The following ADAD1 variants were observed in gnomAD, a reference collection of about 807,000 sequenced individuals.
ADAD1 encodes adenosine deaminase domain-containing protein 1.
ADAD1 carries 46 observed loss-of-function variants against 66.8 expected under a neutral mutation model. The observed-to-expected ratio is 0.69, with a 90% CI of 0.54 to 0.88. The LOEUF is 0.88. Ranked by LOEUF, ADAD1 falls within the 40% of genes least tolerant of loss-of-function variation. The pLI is 0.00. For synonymous variants in ADAD1, 248 were observed against 229.4 expected, an observed-to-expected ratio of 1.08 and a Z score of -0.73; for missense variants, 617 against 681.8, an observed-to-expected ratio of 0.91 and a Z score of 1.06.
In ADAD1 at chr4:122,413,598, ATATACTGAT is replaced by A. The variant is rs1246486425; in HGVS notation, c.1249+791_1249+799del. 5.3e-5 allele frequency among the ~76,000 whole-genome samples: 8 copies of A among 152,116 alleles called. No homozygotes were observed. In the East Asian group the frequency reaches 1.5e-3, roughly 29 times the overall value. ...TTATTTCCATCCAGAGGTCCTTTTC[ATATACTGAT>A]TTGATTTGTATAATTGAAGTGTAGA... is the stretch of plus-strand genomic sequence containing the variant. On this transcript the variant is annotated intron_variant, in intron 10 of 12. Coordinates refer to ENST00000296513, the MANE Select transcript of ADAD1 (RefSeq NM_139243.4).
intron 11 of ADAD1, among the ~76,000 whole-genome samples, chr4:122,419,789 TTATCTC>T (rs1664332784): frequency 6.6e-6 from 1 of 152,232 alleles, no homozygotes. Context: ...TATCATATGT[TTATCTC>T]TATAAATTCT....
chr4:122,406,504 C>G (rs1416095274), intron 7 of ADAD1, among the ~76,000 whole-genome samples: 1 of 152,076 alleles, frequency 6.6e-6, no homozygotes, highest in Non-Finnish European at 1.5e-5. Context: ...TTCTTCTGTT[C>G]CGTAAGTTGT....
intron 5 of ADAD1, among the ~76,000 whole-genome samples, chr4:122,392,386 C>T (rs1471885691): frequency 6.6e-6 from 1 of 152,162 alleles, no homozygotes; most frequent in Admixed American, 6.5e-5. Flanking sequence ...AAAATAAAGT[C>T]ATGTCCTTTG....
intron 8 of ADAD1, among the ~76,000 whole-genome samples, chr4:122,411,012 T>A (rs908556464): frequency 3.3e-5 from 5 of 152,096 alleles, no homozygotes; most frequent in African/African-American, 1.2e-4. Context: ...GTGTTTTAAG[T>A]CAGGTTACAG....
At chr4:122,418,165 A>G (rs1796829489) in intron 11 of ADAD1, among the ~76,000 whole-genome samples, 1 of 152,168 alleles carries the variant, frequency 6.6e-6, no homozygotes, top group Non-Finnish European at 1.5e-5. Flanking sequence ...AATCAGAAAT[A>G]GAGAAAATTA....
chr4:122,421,419 T>G, intron 12 of ADAD1, 29 bp downstream of exon 12: 11 of 1,479,910 alleles, frequency 7.4e-6, no homozygotes, highest in Non-Finnish European at 9.1e-6. Flanking sequence ...AAAGTTATCA[T>G]AGGAATAAAA....
chr4:122,380,348 T>A, intron 3 of ADAD1, 107 bp downstream of exon 3: 2 of 1,343,730 alleles, frequency 1.5e-6, no homozygotes, highest in Non-Finnish European at 2.0e-6. Context: ...TGTATAGACA[T>A]TTACCCGTGG....
At chr4:122,418,505 G>A (rs1382636632) in intron 11 of ADAD1, among the ~76,000 whole-genome samples, 1 of 151,872 alleles carries the variant, frequency 6.6e-6, no homozygotes, top group Non-Finnish European at 1.5e-5. Context: ...TGTATTTTTA[G>A]TAGAAAGGAG....
rs781186394 is a variant in ADAD1 at position 122,412,733 on chromosome 4, A to G, written c.1173A>G (p.Arg391=). The change falls in exon 10 of 13, where the codon AGA becomes AGG. Residue 391 remains arginine (R), a synonymous_variant. Coordinates refer to ENST00000296513, the MANE Select transcript of ADAD1 (RefSeq NM_139243.4). ...SSMSSSDKLT[R]WEVLGVQGAL... is the part of the protein sequence containing the mutation. ...TGTCCTCAAGTGACAAATTGACCAG[A>G]TGGGAAGTGCTTGGTGTACAGGGAG... 1 of 1,613,954 alleles carries G rather than the reference A, an allele frequency of 6.2e-7. No individual in the cohort carries two copies. The highest frequency in any genetic ancestry group is 8.5e-7 in the Non-Finnish European group (1 of 1,179,842).
chr4:122,386,422 C>T (rs572163819), intron 5 of ADAD1, among the ~76,000 whole-genome samples: 1 of 152,140 alleles, frequency 6.6e-6, no homozygotes, highest in East Asian at 1.9e-4. Context: ...GTTTAAGTTC[C>T]TTGTAAATTC....
At chr4:122,401,126 A>G (rs529376033) in intron 7 of ADAD1, among the ~76,000 whole-genome samples, 104 of 152,108 alleles carry the variant, frequency 6.8e-4, no homozygotes, top group Middle Eastern at 3.4e-3. Context: ...GACTTTTGAT[A>G]TAGGCATTTA....
intron 7 of ADAD1, 33 bp downstream of exon 7, chr4:122,396,410 G>T: frequency 6.6e-7 from 1 of 1,513,612 alleles, no homozygotes. Context: ...AACTAATATT[G>T]TAATAATCTA....
At chr4:122,420,082 A>T (rs1796933953) in intron 11 of ADAD1, among the ~76,000 whole-genome samples, 1 of 152,232 alleles carries the variant, frequency 6.6e-6, no homozygotes. Context: ...AGCTACAATT[A>T]TCACTCTTTG....
At chr4:122,418,644 G>C (rs772659758) in intron 11 of ADAD1, among the ~76,000 whole-genome samples, 9 of 152,090 alleles carry the variant, frequency 5.9e-5, no homozygotes, top group Non-Finnish European at 1.3e-4. Flanking sequence ...AAGTTACCAA[G>C]AAGGCACCTT....
intron 5 of ADAD1, among the ~76,000 whole-genome samples, chr4:122,385,671 A>T (rs988472284): frequency 2.0e-5 from 3 of 151,444 alleles, no homozygotes; most frequent in African/African-American, 7.3e-5. Context: ...TTACCTATTA[A>T]CCTGTCCTCT....
At chr4:122,390,567 G>A (rs899528749) in intron 5 of ADAD1, among the ~76,000 whole-genome samples, 1 of 151,934 alleles carries the variant, frequency 6.6e-6, no homozygotes, top group Admixed American at 6.6e-5. Context: ...TCATGTTTTT[G>A]TCTATTCTTG....
chr4:122,427,283 A>G (rs35882562), intron 12 of ADAD1, among the ~76,000 whole-genome samples: 8,899 of 152,262 alleles, frequency 0.058, 362 homozygotes, highest in Middle Eastern at 0.085. Context: ...ACAGAGGAAT[A>G]AATTTAACAA....
intron 10 of ADAD1, 146 bp from the exon 11 acceptor site, chr4:122,415,233 A>G: frequency 1.6e-6 from 1 of 627,898 alleles, no homozygotes; most frequent in Non-Finnish European, 2.7e-6. Flanking sequence ...TATGGAGTAG[A>G]TGCTAAGAGA....
chr4:122,405,166 C>A (rs76708151), intron 7 of ADAD1, among the ~76,000 whole-genome samples: 1 of 152,252 alleles, frequency 6.6e-6, no homozygotes, highest in East Asian at 1.9e-4. Context: ...GGCATGACAT[C>A]CGTATCCTAG....
Sources: gnomAD v4.1 joint callset for allele counts (sites outside exome capture counted in the v4.1 genomes callset) on GRCh38, gnomAD v4.1.1 for gene constraint, MANE v1.5 for transcripts, NCBI Gene and HGNC (gene_info 2026-07-23, HGNC 2026-07-21) for gene names.